The following SMYD1 variants were observed in gnomAD, a reference collection of about 807,000 sequenced individuals.
The protein encoded by SMYD1 is histone-lysine N-methyltransferase SMYD1.
A neutral mutation model predicts 54.0 loss-of-function variants in SMYD1; 49 were observed. The ratio of observed to expected loss-of-function variants is 0.91; its 90% CI spans 0.72 to 1.15. The LOEUF is 1.15. SMYD1 is among the 50% of genes most tolerant of loss of function. The pLI is 0.00. For synonymous variants in SMYD1, 269 were observed against 234.2 expected (o/e 1.15, Z -1.36); for missense variants, 653 against 639.6 (o/e 1.02, Z -0.23).
chr2:88,106,271 T>C (rs1253843618), intron 7 of SMYD1, 54 bp from the exon 8 acceptor site: 6 of 1,596,764 alleles, frequency 3.8e-6, no homozygotes, highest in Admixed American at 1.7e-5. Context: ...CGTATGTGAA[T>C]TAAACGTGTG....
rs748764592 is a variant in SMYD1, at chr2:88,112,117, T to C, written c.*1605T>C. 44 of 703,412 alleles carry C rather than the reference T, an allele frequency of 6.3e-5. 1 individual carries two copies. In the East Asian group the frequency reaches 1.0e-3, roughly 17 times the overall value. The allele number at this position is 703,412 out of a possible 1,614,324, so 43.6% of individuals were successfully genotyped here. A position where few individuals can be genotyped will look rare whatever the true frequency, so the allele number is the denominator to read the frequency against. On this transcript the variant is annotated 3_prime_UTR_variant, in exon 10 of 10. Transcript: ENST00000419482. ...TTTCTGGAAGGTTTTACAAGAAGAC[T>C]GATAGTCTTTCAAGCCCCCACATCA...
At chr2:88,070,401 AT>A (rs1341044110) in intron 1 of SMYD1, among the ~76,000 whole-genome samples, 1 of 151,940 alleles carries the variant, frequency 6.6e-6, no homozygotes, top group Non-Finnish European at 1.5e-5. Context: ...GAAAGATTTT[AT>A]TTTTAGTTGA....
intron 7 of SMYD1, 51 bp from the exon 8 acceptor site, chr2:88,106,274 A>G: frequency 6.3e-7 from 1 of 1,598,620 alleles, no homozygotes; most frequent in Middle Eastern, 1.9e-4. Context: ...ATGTGAATTA[A>G]ACGTGTGCTC....
At chr2:88,102,209 G>C (rs1674737445) in intron 6 of SMYD1, among the ~76,000 whole-genome samples, 1 of 152,080 alleles carries the variant, frequency 6.6e-6, no homozygotes, top group Non-Finnish European at 1.5e-5. Context: ...AAATGTTTCA[G>C]AAAAGGACTT....
In SMYD1 at chr2:88,110,532, G is replaced by A; in HGVS notation, c.*20G>A. The A allele has an allele frequency of 2.6e-6, 4 of 1,540,466 alleles. No individual in the cohort carries two copies. The highest frequency in any genetic ancestry group is 1.2e-5 in the South Asian group (1 of 81,930). On this transcript the variant is annotated 3_prime_UTR_variant, in exon 10 of 10. Coordinates refer to ENST00000419482, the MANE Select transcript of SMYD1 (RefSeq NM_198274.4). ...CAATGAGGACTGCCCAGTGGAGGAG[G>A]GGCGATGTGGCTGGGGAGCTAGGGA...
chr2:88,108,115 G>A (rs1440206744), intron 8 of SMYD1, among the ~76,000 whole-genome samples: 1 of 152,218 alleles, frequency 6.6e-6, no homozygotes, highest in Non-Finnish European at 1.5e-5. Context: ...TATGATCCTG[G>A]TCCCTTTTTC....
At chr2:88,104,208 T>C (rs1049493110) in intron 7 of SMYD1, among the ~76,000 whole-genome samples, 9 of 152,164 alleles carry the variant, frequency 5.9e-5, no homozygotes, top group African/African-American at 1.2e-4. Flanking sequence ...CATCATGATC[T>C]GCCCGCCTTG....
At chr2:88,106,620 C>T (rs1300439851) in intron 8 of SMYD1, 132 bp downstream of exon 8, 1 of 901,450 alleles carries the variant, frequency 1.1e-6, no homozygotes, top group African/African-American at 1.7e-5. Flanking sequence ...CATCATGGTT[C>T]TCTTTTTGAC....
At chr2:88,073,024 T>C (rs1673982635) in intron 1 of SMYD1, among the ~76,000 whole-genome samples, 1 of 152,180 alleles carries the variant, frequency 6.6e-6, no homozygotes, top group African/African-American at 2.4e-5. Context: ...GTGAACATGG[T>C]ACCCTATAGG....
chr2:88,072,379 G>A lies in SMYD1; in HGVS notation c.137+4378G>A, dbSNP rs991407928. Among the ~76,000 whole-genome samples the A allele has an allele frequency of 5.9e-5, 9 of 152,274 alleles. No homozygotes were observed. In the South Asian group the frequency reaches 6.2e-4, roughly 11 times the overall value. On this transcript the variant is annotated intron_variant, in intron 1 of 9. Coordinates refer to ENST00000419482, the MANE Select transcript of SMYD1 (RefSeq NM_198274.4). ...TTGCCCAGGCTGGTCTCGAACTCCC[G>A]GCCTCAAGTGATCTGCCGGCCTTGG...
Position 88,089,583 on chromosome 2 carries a change from C to CTCTTT in SMYD1, c.529-1428_529-1427insCTTTT, listed in dbSNP as rs1481581789. 8.1e-3 allele frequency among the ~76,000 whole-genome samples: 932 copies of CTCTTT among 114,848 alleles called. 134 individuals are homozygous for CTCTTT. Among genetic ancestry groups the CTCTTT allele is most frequent in the African/African-American group, 0.031 (848 of 27,040 alleles). The allele number at this position is 114,848 out of a possible 152,430, so 75.3% of individuals were successfully genotyped here. A position where few individuals can be genotyped will look rare whatever the true frequency, so the allele number is the denominator to read the frequency against. On this transcript the variant is annotated intron_variant, in intron 3 of 9. Coordinates refer to ENST00000419482, the MANE Select transcript of SMYD1 (RefSeq NM_198274.4). Reference sequence around the variant, plus strand: ...TATTTTCAGGAGCCAGAGCTTCTACCTGTTTTTTTTTTTTTTTTTTTTTTT... The same window carrying CTCTTT: ...TATTTTCAGGAGCCAGAGCTTCTACCTCTTTTGTTTTTTTTTTTTTTTTTTTTTTT...
rs1361489341 is a variant in SMYD1, at chr2:88,106,342, G to A, written c.999G>A (p.Arg333=). The change falls in exon 8 of 10, where the codon CGG becomes CGA. Residue 333 remains arginine (R), a synonymous_variant. Coordinates refer to ENST00000419482, the MANE Select transcript of SMYD1 (RefSeq NM_198274.4). ...CACTCTAGGTTGTGAAATTATGCCG[G>A]GAGTGCCTGGAGAAGCAGGAGCCAG... ...GLYHEVVKLC[R]ECLEKQEPVF... 2 of 1,613,982 alleles carry A rather than the reference G, an allele frequency of 1.2e-6. No individual in the cohort carries two copies. Among genetic ancestry groups the A allele is most frequent in the Non-Finnish European group, 1.7e-6 (2 of 1,180,026 alleles).
chr2:88,081,458 A>T (rs1379965643), intron 1 of SMYD1, among the ~76,000 whole-genome samples: 1 of 146,632 alleles, frequency 6.8e-6, no homozygotes, highest in Non-Finnish European at 1.5e-5. Flanking sequence ...TTTTTTTGAG[A>T]CAGAGTCTTG....
intron 8 of SMYD1, among the ~76,000 whole-genome samples, chr2:88,108,064 C>G (rs1674923152): frequency 6.6e-6 from 1 of 152,232 alleles, no homozygotes; most frequent in African/African-American, 2.4e-5. Flanking sequence ...TGGAGCTGTT[C>G]CTATTCGGCC....
At position 88,110,474 on chromosome 2, in the gene SMYD1, A is replaced by T; in HGVS notation, c.1435A>T (p.Asn479Tyr). Reference sequence around the variant, plus strand: ...CATGCAGGTCATGGCCGAGCCCAGCAATGAGCCATCCCCAGCTCTGTTCCA... The same window carrying T: ...CATGCAGGTCATGGCCGAGCCCAGCTATGAGCCATCCCCAGCTCTGTTCCA... ...QPMQVMAEPS[N>Y]EPSPALFHKK... is the part of the protein sequence containing the mutation. The change falls in exon 10 of 10, where the codon AAT becomes TAT. Residue 479 changes from asparagine (N) to tyrosine (Y), a missense_variant. Physicochemically the swap from Asn to Tyr is moderately radical, Grantham distance 143. Transcript: ENST00000419482. 6.3e-7 allele frequency: 1 copy of T among 1,599,316 alleles called. No homozygotes were observed. The highest frequency in any genetic ancestry group is 1.1e-5 in the South Asian group (1 of 88,380).
In SMYD1 at chr2:88,112,426, T is replaced by A. The variant is rs1316131584; in HGVS notation, c.*1914T>A. The stretch of plus-strand genomic sequence containing the variant: ...TCTTCCCTTTGGAATGTACTCTGGA[T>A]CCCTTCCCCTGCTTTGACCCCCAGA... On this transcript the variant is annotated 3_prime_UTR_variant, in exon 10 of 10. Transcript: ENST00000419482. The A allele has an allele frequency of 1.1e-5, 5 of 436,442 alleles. No individual in the cohort carries two copies. The highest frequency in any genetic ancestry group is 2.1e-5 in the Non-Finnish European group (5 of 241,088). The allele number at this position is 436,442 out of a possible 1,614,324, so 27.0% of individuals were successfully genotyped here.
intron 9 of SMYD1, among the ~76,000 whole-genome samples, chr2:88,109,674 A>C (rs1403696205): frequency 6.6e-6 from 1 of 152,172 alleles, no homozygotes; most frequent in Non-Finnish European, 1.5e-5. Flanking sequence ...TCAGACATGG[A>C]TGTCCTCTTA....
At chr2:88,087,589 T>C (rs1674361145) in intron 2 of SMYD1, among the ~76,000 whole-genome samples, 1 of 152,092 alleles carries the variant, frequency 6.6e-6, no homozygotes, top group South Asian at 2.1e-4. Context: ...CTGTGACACT[T>C]CCCTGGAAGA....
intron 1 of SMYD1, among the ~76,000 whole-genome samples, chr2:88,070,028 T>G (rs1394735802): frequency 1.3e-5 from 2 of 152,184 alleles, no homozygotes; most frequent in African/African-American, 4.8e-5. Context: ...AAATGCTACA[T>G]AAAATCATAT....
Sources: allele counts gnomAD v4.1 joint callset (sites outside exome capture counted in the v4.1 genomes callset), GRCh38; gene constraint gnomAD v4.1.1; transcripts MANE v1.5; gene names NCBI Gene and HGNC (gene_info 2026-07-23, HGNC 2026-07-21).